BMPER: variants seen among roughly 807,000 people sequenced by gnomAD.
BMPER encodes BMP binding endothelial regulator.
Under a neutral mutation model 87.3 loss-of-function variants are expected in BMPER, and 45 were observed. The ratio of observed to expected loss-of-function variants is 0.52; its 90% confidence interval spans 0.41 to 0.66. The LOEUF (loss-of-function observed/expected upper bound fraction) is 0.66. Ranked by LOEUF, BMPER falls within the 30% of genes least tolerant of loss-of-function variation. The pLI is 0.00. For missense variants in BMPER, 784 were observed against 867.5 expected (o/e 0.90, Z 1.21); for synonymous variants, 326 against 316.2 (o/e 1.03, Z -0.33).
intron 14 of BMPER, among the ~76,000 whole-genome samples, chr7:34,152,446 C>T (rs913700336): frequency 6.6e-6 from 1 of 152,156 alleles, no homozygotes. Context: ...ATCACTTTGC[C>T]TCTAAGTCAA....
At chr7:33,934,319 A>G (rs746788145) in intron 2 of BMPER, among the ~76,000 whole-genome samples, 55 of 152,304 alleles carry the variant, frequency 3.6e-4, no homozygotes, top group Non-Finnish European at 7.6e-4. Context: ...CTGAGCTTTT[A>G]AAGTTTTTTC....
intron 13 of BMPER, among the ~76,000 whole-genome samples, chr7:34,132,439 C>T (rs888494714): frequency 6.6e-6 from 1 of 151,984 alleles, no homozygotes; most frequent in Non-Finnish European, 1.5e-5. Context: ...CCCTGCTCTC[C>T]CTACCACGCC....
At chr7:34,030,111 C>G (rs967882948) in intron 6 of BMPER, among the ~76,000 whole-genome samples, 11 of 151,940 alleles carry the variant, frequency 7.2e-5, no homozygotes, top group Non-Finnish European at 1.6e-4. Flanking sequence ...AAAATATAAT[C>G]TTAAATGGAA....
intron 6 of BMPER, among the ~76,000 whole-genome samples, chr7:33,975,678 AACAT>A (rs1239835690): frequency 6.6e-6 from 1 of 152,230 alleles, no homozygotes; most frequent in African/African-American, 2.4e-5. Context: ...TATAATAAAG[AACAT>A]ACATTTTCCA....
At chr7:34,102,559 A>G (rs1789709412) in intron 13 of BMPER, among the ~76,000 whole-genome samples, 1 of 152,186 alleles carries the variant, frequency 6.6e-6, no homozygotes, top group Admixed American at 6.5e-5. Flanking sequence ...TCCTAACCAC[A>G]TACATAGAGT....
chr7:33,941,182 T>C (rs1295170051), intron 3 of BMPER, among the ~76,000 whole-genome samples: 1 of 140,890 alleles, frequency 7.1e-6, no homozygotes, highest in Non-Finnish European at 1.5e-5. Flanking sequence ...TTATATATAA[T>C]ATAATTTATA....
intron 2 of BMPER, chr7:33,921,829 T>G (rs1172596715): frequency 2.1e-6 from 1 of 470,936 alleles, no homozygotes; most frequent in Non-Finnish European, 4.4e-6. Context: ...GTTTTATGAC[T>G]GACCTAGTGC....
chr7:34,042,320 T>C (rs1787853380), intron 6 of BMPER, among the ~76,000 whole-genome samples: 1 of 152,164 alleles, frequency 6.6e-6, no homozygotes, highest in Admixed American at 6.5e-5. Flanking sequence ...ATGATGAAAA[T>C]TATGACACAC....
intron 11 of BMPER, among the ~76,000 whole-genome samples, chr7:34,069,423 C>T (rs745333827): frequency 2.0e-5 from 3 of 152,168 alleles, no homozygotes; most frequent in Non-Finnish European, 2.9e-5. Flanking sequence ...TAACTAACAG[C>T]GACTTATTGA....
intron 13 of BMPER, among the ~76,000 whole-genome samples, chr7:34,129,682 A>AAGAAAGAAAGAAAGAG (rs1489828774): frequency 1.3e-5 from 2 of 151,500 alleles, no homozygotes; most frequent in Non-Finnish European, 1.5e-5. Context: ...GAAAGAAAGA[A>AAGAAAGAAAGAAAGAG]AACCTGCCAT....
chr7:34,126,150 T>C (rs369197954), intron 13 of BMPER, among the ~76,000 whole-genome samples: 1 of 152,350 alleles, frequency 6.6e-6, no homozygotes, highest in East Asian at 1.9e-4. Flanking sequence ...AATGAATGTC[T>C]CAGCAGGTAC....
At chr7:34,141,532 C>G (rs1288569330) in intron 13 of BMPER, among the ~76,000 whole-genome samples, 1 of 149,130 alleles carries the variant, frequency 6.7e-6, no homozygotes, top group East Asian at 2.0e-4. Context: ...ATTGCTTGAA[C>G]CCAAGAGGTG....
At chr7:33,955,776 A>C (rs1355022699) in intron 3 of BMPER, among the ~76,000 whole-genome samples, 1 of 152,210 alleles carries the variant, frequency 6.6e-6, no homozygotes, top group Non-Finnish European at 1.5e-5. Flanking sequence ...CTTGAAACAC[A>C]AGAATACAGT....
At chr7:34,096,258 G>A (rs1377577763) in intron 13 of BMPER, among the ~76,000 whole-genome samples, 1 of 152,180 alleles carries the variant, frequency 6.6e-6, no homozygotes, top group Non-Finnish European at 1.5e-5. Flanking sequence ...GCATTATGAG[G>A]CCAGCATCAT....
At chr7:33,905,457 AC>A (rs1343920832), upstream of BMPER, 20 of 73,414 alleles carry the variant, frequency 2.7e-4, no homozygotes, top group Non-Finnish European at 4.1e-4. Flanking sequence ...CCTCCCTCAC[AC>A]CCCCCCGCCC....
chr7:33,911,886 A>G (rs1349379007), intron 2 of BMPER, among the ~76,000 whole-genome samples: 2 of 152,192 alleles, frequency 1.3e-5, no homozygotes, highest in Non-Finnish European at 2.9e-5. Flanking sequence ...ATGGAATAGG[A>G]TGCAAAATTT....
intron 3 of BMPER, among the ~76,000 whole-genome samples, chr7:33,947,995 A>AT (rs2128612419): frequency 1.3e-5 from 2 of 152,264 alleles, no homozygotes; most frequent in South Asian, 4.2e-4. Context: ...TATTGTTGAA[A>AT]TGTTTTAAGA....
At position 33,945,833 on chromosome 7, in the gene BMPER, C is replaced by T. The variant is rs1316594897; in HGVS notation, c.319+8445C>T. Among the ~76,000 whole-genome samples, 3 of 151,940 alleles carry T rather than the reference C, an allele frequency of 2.0e-5. No homozygotes were observed. The East Asian group carries it at 5.8e-4, about 29-fold the overall frequency. On this transcript the variant is annotated intron_variant, in intron 3 of 14. Transcript: ENST00000649409. Reference sequence around the variant, plus strand: ...ATTTTATATATGAGGAAAATGAGGGCCTGGAGAAGTTCAGTCATTCATCTG... The same window carrying T: ...ATTTTATATATGAGGAAAATGAGGGTCTGGAGAAGTTCAGTCATTCATCTG...
intron 2 of BMPER, among the ~76,000 whole-genome samples, chr7:33,910,978 A>G (rs1783945797): frequency 6.6e-6 from 1 of 152,214 alleles, no homozygotes; most frequent in Admixed American, 6.5e-5. Flanking sequence ...TGAGGATTCA[A>G]TTCATGTGTG....
Sources: allele counts gnomAD v4.1 joint callset (sites outside exome capture counted in the v4.1 genomes callset), GRCh38; gene constraint gnomAD v4.1.1; transcripts MANE v1.5; gene names NCBI Gene and HGNC (gene_info 2026-07-23, HGNC 2026-07-21).